The following FCHO2 variants were observed in gnomAD, a reference collection of about 807,000 sequenced individuals.
FCHO2 encodes F-BAR domain only protein 2.
FCHO2 carries 43 observed loss-of-function variants against 114.1 expected under a neutral mutation model. That is an observed-to-expected ratio of 0.38 (90% CI 0.30 to 0.49). The LOEUF is 0.49. Ranked by LOEUF, FCHO2 falls within the 20% of genes least tolerant of loss-of-function variation. The pLI, the probability that FCHO2 is intolerant of heterozygous loss-of-function variation, is 0.97. For synonymous variants in FCHO2, 293 were observed against 315.2 expected, an observed-to-expected ratio of 0.93 and a Z score of 0.75; for missense variants, 807 against 950.4, an observed-to-expected ratio of 0.85 and a Z score of 1.98.
intron 18 of FCHO2, among the ~76,000 whole-genome samples, chr5:73,068,190 G>A (rs1482289891): frequency 2.0e-5 from 3 of 152,046 alleles, no homozygotes; most frequent in African/African-American, 4.8e-5. Flanking sequence ...TCATAAAAGT[G>A]AAGGTTTTAT....
chr5:73,001,723 G>A (rs1362937857), intron 5 of FCHO2, among the ~76,000 whole-genome samples: 1 of 151,838 alleles, frequency 6.6e-6, no homozygotes, highest in Non-Finnish European at 1.5e-5. Flanking sequence ...CAAGGCAGGA[G>A]CCCAGGAGTT....
chr5:73,049,508 A>C (rs1252393999), intron 11 of FCHO2, among the ~76,000 whole-genome samples: 1 of 151,518 alleles, frequency 6.6e-6, no homozygotes, highest in African/African-American at 2.4e-5. Context: ...TATCTCACAT[A>C]TTTGTGATAT....
At chr5:73,049,725 T>C (rs758169917) in intron 11 of FCHO2, among the ~76,000 whole-genome samples, 6 of 152,348 alleles carry the variant, frequency 3.9e-5, no homozygotes, top group Non-Finnish European at 8.8e-5. Context: ...GCTGTTAAAA[T>C]GCATTAAAAC....
chr5:73,051,194 AG>A (rs1757320166), intron 11 of FCHO2, 154 bp from the exon 12 acceptor site: 2 of 525,246 alleles, frequency 3.8e-6, no homozygotes, highest in African/African-American at 2.0e-5. Flanking sequence ...TTAACTAAAA[AG>A]GTGTAATTTT....
Position 73,006,569 on chromosome 5 carries a change from A to G in FCHO2, c.600+20A>G. On this transcript the variant is annotated intron_variant, in intron 6 of 25. Coordinates refer to ENST00000430046, the MANE Select transcript of FCHO2 (RefSeq NM_138782.3). The stretch of plus-strand genomic sequence containing the variant: ...GCTCAGGTTGGTATTTTAAGGCTTC[A>G]GATTGAAAACAGGGCATTTATATTT... The G allele has an allele frequency of 1.4e-6, 2 of 1,452,912 alleles. No individual in the cohort carries two copies. Among genetic ancestry groups the G allele is most frequent in the Non-Finnish European group, 1.8e-6 (2 of 1,094,892 alleles). The allele number at this position is 1,452,912 out of a possible 1,614,324, so 90.0% of individuals were successfully genotyped here.
rs1471200978 is a variant in FCHO2, at chr5:73,081,992, A to G, written c.2180+10A>G. On this transcript the variant is annotated intron_variant, in intron 23 of 25. Transcript: ENST00000430046. Reference sequence around the variant, plus strand: ...TTCCCCCTGCAATATGGTAAATTAAACATACGTTTCTGAATTCCCACTAAA... The same window carrying G: ...TTCCCCCTGCAATATGGTAAATTAAGCATACGTTTCTGAATTCCCACTAAA... 8.3e-6 allele frequency: 12 copies of G among 1,439,300 alleles called. No individual in the cohort carries two copies. The highest frequency in any genetic ancestry group is 1.1e-5 in the Non-Finnish European group (12 of 1,084,886). The allele number at this position is 1,439,300 out of a possible 1,614,324, so 89.2% of individuals were successfully genotyped here.
At chr5:73,024,874 A>G (rs971376243) in intron 8 of FCHO2, among the ~76,000 whole-genome samples, 6 of 152,194 alleles carry the variant, frequency 3.9e-5, no homozygotes, top group Non-Finnish European at 5.9e-5. Context: ...AAAATGATAC[A>G]TTTCTCATGA....
At chr5:73,035,929 C>T (rs1756478310) in intron 9 of FCHO2, among the ~76,000 whole-genome samples, 1 of 152,104 alleles carries the variant, frequency 6.6e-6, no homozygotes, top group African/African-American at 2.4e-5. Flanking sequence ...CTGCATCCTC[C>T]GCCTTCTGGT....
chr5:73,028,646 CTTTTTTT>C (rs1177312773), intron 8 of FCHO2, among the ~76,000 whole-genome samples: 1 of 112,146 alleles, frequency 8.9e-6, no homozygotes, highest in African/African-American at 3.4e-5. Flanking sequence ...TTATATGATT[CTTTTTTT>C]TTTTTTTTTT....
intron 24 of FCHO2, among the ~76,000 whole-genome samples, chr5:73,083,210 G>A (rs1743182829): frequency 6.6e-6 from 1 of 152,024 alleles, no homozygotes; most frequent in Non-Finnish European, 1.5e-5. Flanking sequence ...TGGAAGCACT[G>A]CAATACCTTT....
intron 2 of FCHO2, among the ~76,000 whole-genome samples, chr5:72,970,925 C>A (rs1323377859): frequency 6.6e-6 from 1 of 152,038 alleles, no homozygotes; most frequent in Non-Finnish European, 1.5e-5. Flanking sequence ...TGTTCAATTC[C>A]CACCTATGAG....
intron 17 of FCHO2, among the ~76,000 whole-genome samples, chr5:73,063,019 TA>T (rs1329268044): frequency 6.6e-6 from 1 of 152,138 alleles, no homozygotes; most frequent in Non-Finnish European, 1.5e-5. Context: ...TAAGTTAATT[TA>T]TTAATGATTA....
intron 1 of FCHO2, among the ~76,000 whole-genome samples, chr5:72,956,607 G>A (rs1194553362): frequency 6.6e-6 from 1 of 152,180 alleles, no homozygotes; most frequent in Admixed American, 6.5e-5. Flanking sequence ...ACCTCTGACG[G>A]TTTCCACACC....
chr5:73,010,401 A>G (rs1305449701), intron 6 of FCHO2, among the ~76,000 whole-genome samples: 1 of 152,220 alleles, frequency 6.6e-6, no homozygotes, highest in Admixed American at 6.5e-5. Context: ...TGAGATGGCT[A>G]GTTTATGGAA....
intron 8 of FCHO2, among the ~76,000 whole-genome samples, chr5:73,024,455 T>C (rs1261784395): frequency 6.6e-6 from 1 of 151,978 alleles, no homozygotes. Context: ...TTTATTTTTT[T>C]TGGAGTCGGA....
At chr5:72,964,351 C>T (rs916295109) in intron 1 of FCHO2, among the ~76,000 whole-genome samples, 2 of 152,146 alleles carry the variant, frequency 1.3e-5, no homozygotes, top group African/African-American at 4.8e-5. Context: ...GTACCTGCAT[C>T]AAATCGTTCT....
At chr5:73,025,879 T>C (rs1755889489) in intron 8 of FCHO2, among the ~76,000 whole-genome samples, 1 of 152,236 alleles carries the variant, frequency 6.6e-6, no homozygotes, top group African/African-American at 2.4e-5. Flanking sequence ...TGATTTCTGT[T>C]AACATTTTAT....
chr5:72,966,242 T>C (rs867098132), intron 1 of FCHO2, among the ~76,000 whole-genome samples: 10 of 152,236 alleles, frequency 6.6e-5, no homozygotes, highest in African/African-American at 2.2e-4. Context: ...AACTGAATGC[T>C]ATCCAGGTTT....
At chr5:72,997,656 C>T in intron 5 of FCHO2, 1 of 1,511,800 alleles carries the variant, frequency 6.6e-7, no homozygotes, top group South Asian at 1.1e-5. Context: ...CAGCTGCTCC[C>T]CCTTCACCTG....
Sources: allele counts gnomAD v4.1 joint callset (sites outside exome capture counted in the v4.1 genomes callset), GRCh38; gene constraint gnomAD v4.1.1; transcripts MANE v1.5; gene names NCBI Gene and HGNC (gene_info 2026-07-23, HGNC 2026-07-21).